The following SLC44A5 variants were observed in gnomAD, a reference collection of about 807,000 sequenced individuals.
SLC44A5 encodes solute carrier family 44 member 5.
Under a neutral mutation model 101.8 loss-of-function variants are expected in SLC44A5, and 57 were observed. That is an observed-to-expected ratio of 0.56 (90% CI 0.45 to 0.70). SLC44A5 has a LOEUF of 0.70. SLC44A5 is among the 30% of genes least tolerant of loss of function. The pLI is 0.00. For missense variants in SLC44A5, 737 were observed against 853.1 expected (o/e 0.86, Z 1.70); for synonymous variants, 281 against 290.9 (o/e 0.97, Z 0.35).
At chr1:75,614,442 T>G (rs1675780153), upstream of SLC44A5, among the ~76,000 whole-genome samples, 1 of 152,212 alleles carries the variant, frequency 6.6e-6, no homozygotes, top group Non-Finnish European at 1.5e-5. Context: ...AATGTCTTCT[T>G]AAGAATTAAG....
At chr1:75,235,636 G>C (rs1339891007) in intron 11 of SLC44A5, among the ~76,000 whole-genome samples, 1 of 151,946 alleles carries the variant, frequency 6.6e-6, no homozygotes, top group East Asian at 1.9e-4. Context: ...ATCTCATAAA[G>C]TGATCTAATT....
chr1:75,355,218 CAT>C (rs1658980367), intron 3 of SLC44A5, among the ~76,000 whole-genome samples: 1 of 152,018 alleles, frequency 6.6e-6, no homozygotes, highest in Non-Finnish European at 1.5e-5. Flanking sequence ...CACATGAAGA[CAT>C]AAAGAGCTCT....
chr1:75,662,493 A>C, the SLC44A5 span, among the ~76,000 whole-genome samples: 1 of 152,098 alleles, frequency 6.6e-6, no homozygotes, highest in African/African-American at 2.4e-5. Context: ...ATTTTTAAAT[A>C]GCTAGAAGAG....
the SLC44A5 span, among the ~76,000 whole-genome samples, chr1:75,646,447 A>C: frequency 3.3e-5 from 5 of 152,148 alleles, no homozygotes; most frequent in African/African-American, 1.2e-4. Flanking sequence ...TGACATGAGA[A>C]CCTTCAGAAA....
chr1:75,373,160 T>TC (rs1405336146), intron 3 of SLC44A5, among the ~76,000 whole-genome samples: 9 of 152,066 alleles, frequency 5.9e-5, no homozygotes, highest in South Asian at 2.1e-4. Context: ...GGGAAAGGCC[T>TC]CCCTCACTAA....
At chr1:75,565,454 T>G (rs949376597) in intron 1 of SLC44A5, among the ~76,000 whole-genome samples, 1 of 152,260 alleles carries the variant, frequency 6.6e-6, no homozygotes, top group Non-Finnish European at 1.5e-5. Context: ...GCCAATGCTG[T>G]ATCCTCACGT....
the SLC44A5 span, among the ~76,000 whole-genome samples, chr1:75,674,917 T>C: frequency 2.6e-5 from 4 of 152,172 alleles, no homozygotes; most frequent in Non-Finnish European, 5.9e-5. Flanking sequence ...TATCAGATGG[T>C]TGTAGATGTG....
intron 22 of SLC44A5, among the ~76,000 whole-genome samples, chr1:75,213,151 G>T (rs1157818692): frequency 6.6e-6 from 1 of 152,140 alleles, no homozygotes; most frequent in Non-Finnish European, 1.5e-5. Flanking sequence ...TCTTACCAAT[G>T]TATCTCAGGA....
intron 2 of SLC44A5, among the ~76,000 whole-genome samples, chr1:75,539,632 T>TA (rs1448013203): frequency 2.6e-5 from 4 of 152,206 alleles, no homozygotes; most frequent in African/African-American, 9.7e-5. Context: ...TAAATGTCCT[T>TA]ACGCAGTAAT....
the SLC44A5 span, among the ~76,000 whole-genome samples, chr1:75,644,375 T>C: frequency 2.4e-5 from 1 of 41,818 alleles, no homozygotes; most frequent in Non-Finnish European, 4.1e-5. Flanking sequence ...CAAGGGATCA[T>C]TCAGAGAAAC....
chr1:75,265,658 C>T (rs1274676059), intron 6 of SLC44A5, among the ~76,000 whole-genome samples: 1 of 152,114 alleles, frequency 6.6e-6, no homozygotes, highest in Non-Finnish European at 1.5e-5. Context: ...ATGCATGTAA[C>T]AAAATATCAC....
the SLC44A5 span, among the ~76,000 whole-genome samples, chr1:75,676,242 C>A: frequency 6.6e-6 from 1 of 152,164 alleles, no homozygotes; most frequent in Non-Finnish European, 1.5e-5. Flanking sequence ...AAAATACATG[C>A]ACACATATGT....
chr1:75,515,123 T>C (rs1319097442), intron 2 of SLC44A5, among the ~76,000 whole-genome samples: 4 of 152,190 alleles, frequency 2.6e-5, no homozygotes, highest in Non-Finnish European at 5.9e-5. Flanking sequence ...TTCTCCGTTT[T>C]TGGTTATTGT....
chr1:75,492,639 T>C (rs1668482461), intron 2 of SLC44A5, among the ~76,000 whole-genome samples: 1 of 152,020 alleles, frequency 6.6e-6, no homozygotes, highest in Non-Finnish European at 1.5e-5. Context: ...TAAATACACA[T>C]AGATAAGACT....
intron 14 of SLC44A5, among the ~76,000 whole-genome samples, chr1:75,221,170 C>T (rs1340409982): frequency 6.6e-6 from 1 of 152,160 alleles, no homozygotes; most frequent in East Asian, 1.9e-4. Context: ...ACTATTTAAA[C>T]CACTGACTTC....
the SLC44A5 span, among the ~76,000 whole-genome samples, chr1:75,714,487 A>G: frequency 2.6e-5 from 4 of 152,168 alleles, no homozygotes; most frequent in African/African-American, 9.7e-5. Flanking sequence ...ATTCCTAGCC[A>G]GGGCAATCAG....
rs534887352 is a variant in SLC44A5, at chr1:75,279,757, T to C, written c.176-4715A>G. Among the ~76,000 whole-genome samples the C allele has an allele frequency of 5.3e-5, 6 of 112,634 alleles. No homozygotes were observed. In the South Asian group the frequency reaches 1.6e-3, roughly 30 times the overall value. The allele number at this position is 112,634 out of a possible 152,430, so 73.9% of individuals were successfully genotyped here. A position where few individuals can be genotyped will look rare whatever the true frequency, so the allele number is the denominator to read the frequency against. ...GTATGTTTGTATGTATGTATACATG[T>C]ATGTATGTATTTTTATTTCAGGGTT... On this transcript the variant is annotated intron_variant, in intron 5 of 23. Transcript: ENST00000370859.
At chr1:75,311,524 C>A in intron 4 of SLC44A5, 1 of 982,884 alleles carries the variant, frequency 1.0e-6, no homozygotes, top group Non-Finnish European at 1.2e-6. Flanking sequence ...ATTCAACTTA[C>A]ATAACAGGTA....
chr1:75,454,578 T>C (rs1371772199), intron 2 of SLC44A5, among the ~76,000 whole-genome samples: 1 of 151,800 alleles, frequency 6.6e-6, no homozygotes, highest in East Asian at 1.9e-4. Context: ...AAATAAAAAG[T>C]ATCCAAATAG....
Sources: gnomAD v4.1 joint callset for allele counts (sites outside exome capture counted in the v4.1 genomes callset) on GRCh38, gnomAD v4.1.1 for gene constraint, MANE v1.5 for transcripts, NCBI Gene and HGNC (gene_info 2026-07-23, HGNC 2026-07-21) for gene names.